The following RNF38 variants were observed in gnomAD, a reference collection of about 807,000 sequenced individuals.
RNF38 encodes E3 ubiquitin-protein ligase RNF38.
Under a neutral mutation model 67.2 loss-of-function variants are expected in RNF38, and 15 were observed. The observed-to-expected ratio is 0.22, with a 90% CI of 0.15 to 0.34. The LOEUF is 0.34. Ranked by LOEUF, RNF38 falls within the 10% of genes least tolerant of loss-of-function variation. RNF38 has a pLI of 1.00. For missense variants in RNF38, 524 were observed against 639.9 expected, an observed-to-expected ratio of 0.82 and a Z score of 1.95; for synonymous variants, 220 against 218.8, an observed-to-expected ratio of 1.01 and a Z score of -0.05.
rs1225554809 is a variant in RNF38, at chr9:36,339,603, T to C, written c.*149A>G. 1.8e-5 allele frequency: 11 copies of C among 614,404 alleles called. No individual in the cohort carries two copies. Among genetic ancestry groups the C allele is most frequent in the African/African-American group, 1.3e-4 (7 of 54,414 alleles). The allele number at this position is 614,404 out of a possible 1,614,324, so 38.1% of individuals were successfully genotyped here. A position where few individuals can be genotyped will look rare whatever the true frequency, so the allele number is the denominator to read the frequency against. ...TGTGAAGACTAATTGTAAGCTTTTATAGTTGATTAAGTCACACAGTGCAAA... is the reference window on the plus strand; with the variant it reads ...TGTGAAGACTAATTGTAAGCTTTTACAGTTGATTAAGTCACACAGTGCAAA... On this transcript the variant is annotated 3_prime_UTR_variant, in exon 12 of 12. Coordinates refer to ENST00000259605, the MANE Select transcript of RNF38 (RefSeq NM_022781.5).
At chr9:36,369,506 C>T (rs922399785) in intron 4 of RNF38, among the ~76,000 whole-genome samples, 3 of 152,124 alleles carry the variant, frequency 2.0e-5, no homozygotes, top group Non-Finnish European at 1.5e-5. Flanking sequence ...CATGAGCCAC[C>T]GTGCTGGGCC....
chr9:36,438,079 C>CACA (rs1176231564), intron 1 of RNF38, among the ~76,000 whole-genome samples: 6 of 152,114 alleles, frequency 3.9e-5, no homozygotes, highest in African/African-American at 1.4e-4. Context: ...GTAGCTGGGA[C>CACA]TACAAGTGTG....
At chr9:36,474,735 A>G (rs1379401043) in intron 1 of RNF38, among the ~76,000 whole-genome samples, 1 of 148,644 alleles carries the variant, frequency 6.7e-6, no homozygotes, top group Admixed American at 6.7e-5. Context: ...TAAGCACACA[A>G]TAAGTGACCA....
At position 36,458,881 on chromosome 9, in the gene RNF38, T is replaced by G. The variant is rs10972917; in HGVS notation, n.241+28427A>C. Among the ~76,000 whole-genome samples, 180 of 152,316 alleles carry G rather than the reference T, an allele frequency of 1.2e-3. 2 individuals are homozygous for G. In the East Asian group the frequency reaches 0.028, roughly 23 times the overall value. Reference sequence around the variant, plus strand: ...CCAACATATCGCCACATTTGGTGTCTTAACCACAGACCATCAAGACATTCT... The same window carrying G: ...CCAACATATCGCCACATTTGGTGTCGTAACCACAGACCATCAAGACATTCT... On this transcript the variant is annotated intron_variant and non_coding_transcript_variant, in intron 1 of 3. Coordinates refer to the RNF38 transcript ENST00000488058.
At chr9:36,345,943 CTTA>C (rs1357883909) in intron 9 of RNF38, among the ~76,000 whole-genome samples, 1 of 152,192 alleles carries the variant, frequency 6.6e-6, no homozygotes, top group Non-Finnish European at 1.5e-5. Flanking sequence ...GATGTGAATA[CTTA>C]TACCATAAGA....
intron 1 of RNF38, among the ~76,000 whole-genome samples, chr9:36,393,052 TCTTAAG>T (rs1182741811): frequency 6.6e-6 from 1 of 152,210 alleles, no homozygotes; most frequent in Non-Finnish European, 1.5e-5. Flanking sequence ...TTTTGCATCC[TCTTAAG>T]CTTTTCATTT....
rs756187387 is a variant in RNF38, at chr9:36,356,361, G to T, written c.851C>A (p.Pro284His). ...CTGGCCTGGTGGTGGCAAATGAGGA[G>T]GATGATGGGGAGAAAGGTGAGGAGG... ...IHPPHLSPHH[P>H]PHLPPPGQFV... Residue 284 changes from proline to histidine, a missense_variant, in exon 6 of 12, where the codon CCT (proline) becomes CAT (histidine). By Grantham distance (77) the Pro-to-His change is moderately conservative. Coordinates refer to ENST00000259605, the MANE Select transcript of RNF38 (RefSeq NM_022781.5). The T allele has an allele frequency of 2.3e-5, 37 of 1,613,922 alleles. No individual in the cohort carries two copies. The highest frequency in any genetic ancestry group is 8.5e-6 in the Non-Finnish European group (10 of 1,180,014).
At chr9:36,382,909 C>G (rs1836314315) in intron 2 of RNF38, among the ~76,000 whole-genome samples, 1 of 150,766 alleles carries the variant, frequency 6.6e-6, no homozygotes, top group Admixed American at 6.6e-5. Flanking sequence ...TAAGGAAAAA[C>G]AGTTAAATGC....
intron 1 of RNF38, among the ~76,000 whole-genome samples, chr9:36,480,264 C>G (rs1840219540): frequency 6.6e-6 from 1 of 152,156 alleles, no homozygotes; most frequent in African/African-American, 2.4e-5. Flanking sequence ...CAGACGTGAG[C>G]CACTGCGACT....
At chr9:36,439,376 G>A (rs1839141601) in intron 1 of RNF38, among the ~76,000 whole-genome samples, 1 of 152,072 alleles carries the variant, frequency 6.6e-6, no homozygotes, top group South Asian at 2.1e-4. Context: ...TTGAACAAGT[G>A]ACCCTCATTT....
At chr9:36,367,172 C>T (rs575839973) in intron 4 of RNF38, among the ~76,000 whole-genome samples, 11 of 152,126 alleles carry the variant, frequency 7.2e-5, no homozygotes, top group Non-Finnish European at 1.6e-4. Flanking sequence ...AATTGAAGTC[C>T]AGGTTTGCTC....
At chr9:36,475,450 T>C (rs1394678430) in intron 1 of RNF38, among the ~76,000 whole-genome samples, 2 of 151,716 alleles carry the variant, frequency 1.3e-5, no homozygotes, top group Admixed American at 6.6e-5. Context: ...CTCCATCTCC[T>C]GGGTTCAAGC....
Position 36,464,133 on chromosome 9 carries a change from C to T in RNF38, n.241+23175G>A, listed in dbSNP as rs371068394. ...GAGCCTAGATCACGACACTGCACTC[C>T]AGCCTGGGCGACAGAGCAAGACTCT... On this transcript the variant is annotated intron_variant and non_coding_transcript_variant, in intron 1 of 3. Transcript: ENST00000488058. 9.2e-5 allele frequency among the ~76,000 whole-genome samples: 14 copies of T among 151,972 alleles called. No individual in the cohort carries two copies. In the East Asian group the frequency reaches 2.3e-3, roughly 25 times the overall value.
chr9:36,351,209 A>G lies in RNF38; in HGVS notation c.1179-10T>C. On this transcript the variant is annotated splice_polypyrimidine_tract_variant and intron_variant, in intron 8 of 11. Transcript: ENST00000259605. ...CACTGGAAGCATTGATCTGCAGTGAAAACAATCACACTAGCATTGATATGT... is the reference window on the plus strand; with the variant it reads ...CACTGGAAGCATTGATCTGCAGTGAGAACAATCACACTAGCATTGATATGT... 2 of 1,593,954 alleles carry G rather than the reference A, an allele frequency of 1.3e-6. No individual in the cohort carries two copies. The highest frequency in any genetic ancestry group is 1.7e-6 in the Non-Finnish European group (2 of 1,163,538).
intron 1 of RNF38, among the ~76,000 whole-genome samples, chr9:36,466,245 G>C (rs1003682611): frequency 6.6e-5 from 10 of 152,288 alleles, no homozygotes; most frequent in Admixed American, 5.9e-4. Context: ...GCCTAGGACT[G>C]AGATGGGAGG....
intron 1 of RNF38, among the ~76,000 whole-genome samples, chr9:36,393,229 T>C (rs555091208): frequency 2.0e-4 from 31 of 152,272 alleles, no homozygotes; most frequent in Non-Finnish European, 3.5e-4. Flanking sequence ...CTTTGAAATC[T>C]TAAGATCTTG....
chr9:36,405,624 TA>T (rs1478640556), upstream of RNF38, among the ~76,000 whole-genome samples: 1 of 152,240 alleles, frequency 6.6e-6, no homozygotes, highest in Non-Finnish European at 1.5e-5. Flanking sequence ...ACGCCTTCTT[TA>T]AATGTTTGGG....
chr9:36,355,134 G>A (rs1834002627), intron 6 of RNF38, among the ~76,000 whole-genome samples: 1 of 152,166 alleles, frequency 6.6e-6, no homozygotes, highest in African/African-American at 2.4e-5. Flanking sequence ...CCAAACTTGC[G>A]TCATAATTGC....
chr9:36,462,394 T>G (rs994283522), intron 1 of RNF38, among the ~76,000 whole-genome samples: 13 of 152,112 alleles, frequency 8.5e-5, no homozygotes, highest in Middle Eastern at 3.4e-3. Flanking sequence ...TACAACCCAT[T>G]CTCAGCACAG....
Sources: allele counts gnomAD v4.1 joint callset (sites outside exome capture counted in the v4.1 genomes callset), GRCh38; gene constraint gnomAD v4.1.1; transcripts MANE v1.5; gene names NCBI Gene and HGNC (gene_info 2026-07-23, HGNC 2026-07-21).